SLC28A1: variants seen among roughly 807,000 people sequenced by gnomAD.
SLC28A1 encodes solute carrier family 28 member 1.
SLC28A1 carries 64 observed loss-of-function variants against 74.8 expected under a neutral mutation model. That is an observed-to-expected ratio of 0.86 (90% CI 0.70 to 1.05). The LOEUF is 1.05. SLC28A1 is among the 50% of genes least tolerant of loss of function. SLC28A1 has a pLI of 0.00. For synonymous variants in SLC28A1, 359 were observed against 335.0 expected (o/e 1.07, Z -0.78); for missense variants, 828 against 822.8 (o/e 1.01, Z -0.08).
chr15:84,895,126 G>T lies in SLC28A1; in HGVS notation c.461+3G>T. The T allele has an allele frequency of 6.2e-7, 1 of 1,613,806 alleles. No homozygotes were observed. The highest frequency in any genetic ancestry group is 8.5e-7 in the Non-Finnish European group (1 of 1,179,880). ...CGCCTGCTGCTCTGGTTTAAGAGGT[G>T]AGTGAGCTCACAGCCCCGAGGCAGG... On this transcript the variant is annotated splice_donor_region_variant and intron_variant, in intron 6 of 18. Transcript: ENST00000394573.
chr15:84,969,529 G>GCC, the SLC28A1 span, among the ~76,000 whole-genome samples: 51 of 151,638 alleles, frequency 3.4e-4, no homozygotes, highest in East Asian at 3.5e-3. Context: ...GGAGCACCCT[G>GCC]CCCCCCGACT....
At chr15:84,895,472 G>C in intron 6 of SLC28A1, 1 of 1,611,394 alleles carries the variant, frequency 6.2e-7, no homozygotes, top group Non-Finnish European at 8.5e-7. Flanking sequence ...ACCATCCCTG[G>C]AGGGGGATTC....
At chr15:84,958,779 AT>A in the SLC28A1 span, among the ~76,000 whole-genome samples, 1 of 151,724 alleles carries the variant, frequency 6.6e-6, no homozygotes. Context: ...TGGTCTCAAA[AT>A]TTTTTTTATT....
In SLC28A1 at chr15:84,935,446, C is replaced by T. The variant is rs574403754; in HGVS notation, c.1509C>T (p.Asp503=). The T allele has an allele frequency of 6.2e-7, 1 of 1,614,224 alleles. No homozygotes were observed. The highest frequency in any genetic ancestry group is 1.3e-5 in the African/African-American group (1 of 75,064). ...TGAACGAGTTTGTGGCCTATCAAGA[C>T]CTCTCCAAGTACAAGCAACGCCGCC... ...LFLNEFVAYQ[D]LSKYKQRRLA... The change falls in exon 15 of 19, where the codon GAC becomes GAT. Residue 503 remains aspartate, a synonymous_variant. Transcript: ENST00000394573.
At chr15:84,959,856 G>GTT in the SLC28A1 span, among the ~76,000 whole-genome samples, 1 of 152,016 alleles carries the variant, frequency 6.6e-6, no homozygotes, top group Non-Finnish European at 1.5e-5. Context: ...CAAATCTATG[G>GTT]TGATCCTTTG....
the SLC28A1 span, among the ~76,000 whole-genome samples, chr15:84,952,668 T>C: frequency 6.6e-6 from 1 of 152,158 alleles, no homozygotes; most frequent in East Asian, 1.9e-4. Context: ...GGAGAATCGC[T>C]TGAGCCCGGG....
chr15:84,913,945 T>A (rs1968716408), intron 9 of SLC28A1, among the ~76,000 whole-genome samples: 1 of 152,166 alleles, frequency 6.6e-6, no homozygotes, highest in South Asian at 2.1e-4. Flanking sequence ...GAGCCTCTTT[T>A]ATTTTTTATT....
At chr15:84,942,797 C>G (rs1168519056) in intron 15 of SLC28A1, among the ~76,000 whole-genome samples, 1 of 151,976 alleles carries the variant, frequency 6.6e-6, no homozygotes, top group African/African-American at 2.4e-5. Context: ...GGGCTGTCCA[C>G]CAAATGGCCC....
intron 11 of SLC28A1, among the ~76,000 whole-genome samples, chr15:84,922,991 C>T (rs1171941521): frequency 6.6e-6 from 1 of 152,224 alleles, no homozygotes; most frequent in Non-Finnish European, 1.5e-5. Flanking sequence ...GGCTGGAGCG[C>T]AGTGGCACAA....
chr15:84,928,487 G>C (rs1393080922), intron 12 of SLC28A1, among the ~76,000 whole-genome samples: 1 of 150,736 alleles, frequency 6.6e-6, no homozygotes, highest in African/African-American at 2.4e-5. Flanking sequence ...ATCCCAGAAA[G>C]GTCTCTCTTG....
chr15:84,909,916 C>T (rs372942240), intron 9 of SLC28A1, among the ~76,000 whole-genome samples: 94 of 152,260 alleles, frequency 6.2e-4, no homozygotes, highest in Admixed American at 2.6e-4. Context: ...AGTCTCCCCA[C>T]CCTGCTGGGG....
chr15:84,943,303 G>A, intron 15 of SLC28A1, 142 bp from the exon 16 acceptor site: 1 of 684,782 alleles, frequency 1.5e-6, no homozygotes, highest in South Asian at 1.6e-5. Flanking sequence ...TTGCAAGGCT[G>A]GGGAAGCGGC....
the SLC28A1 span, among the ~76,000 whole-genome samples, chr15:84,955,246 T>A: frequency 1.3e-5 from 2 of 152,092 alleles, no homozygotes; most frequent in Admixed American, 1.3e-4. Context: ...AGCCATCCCC[T>A]TTGGTGCCCA....
At chr15:84,914,778 C>T (rs1968849308) in intron 9 of SLC28A1, among the ~76,000 whole-genome samples, 1 of 152,124 alleles carries the variant, frequency 6.6e-6, no homozygotes, top group African/African-American at 2.4e-5. Context: ...GAGGTGTTTC[C>T]TGGGCTGTAA....
chr15:84,924,181 GCTC>G, intron 12 of SLC28A1, 71 bp downstream of exon 12: 1 of 1,544,082 alleles, frequency 6.5e-7, no homozygotes, highest in Non-Finnish European at 8.9e-7. Context: ...GCCCCACACA[GCTC>G]CTGGCCAGAG....
intron 8 of SLC28A1, 70 bp downstream of exon 8, chr15:84,905,722 G>A: frequency 8.5e-7 from 1 of 1,176,806 alleles, no homozygotes; most frequent in East Asian, 2.4e-5. Context: ...CCACTTGGCA[G>A]GGGGAAAAGT....
intron 9 of SLC28A1, 102 bp from the exon 10 acceptor site, chr15:84,918,422 G>C: frequency 1.2e-6 from 1 of 840,268 alleles, no homozygotes; most frequent in Non-Finnish European, 2.1e-6. Flanking sequence ...TGAGTGGCAA[G>C]GCCTGGGATG....
At chr15:84,930,821 G>A (rs922549265) in intron 12 of SLC28A1, among the ~76,000 whole-genome samples, 4 of 151,356 alleles carry the variant, frequency 2.6e-5, no homozygotes, top group African/African-American at 9.7e-5. Context: ...CTGGGCTGGA[G>A]TGCAATAGTG....
the SLC28A1 span, among the ~76,000 whole-genome samples, chr15:84,973,014 C>T: frequency 6.6e-6 from 1 of 152,170 alleles, no homozygotes; most frequent in Non-Finnish European, 1.5e-5. Context: ...ACTCGTATTA[C>T]TCCAAGGCTA....
Sources: gnomAD v4.1 joint callset for allele counts (sites outside exome capture counted in the v4.1 genomes callset) on GRCh38, gnomAD v4.1.1 for gene constraint, MANE v1.5 for transcripts, NCBI Gene and HGNC (gene_info 2026-07-23, HGNC 2026-07-21) for gene names.